The following LINGO1 variants were observed in gnomAD, a reference collection of about 807,000 sequenced individuals.
The protein encoded by LINGO1 is leucine-rich repeat and immunoglobulin-like domain-containing nogo receptor-interacting protein 1.
Under a neutral mutation model 37.3 loss-of-function variants are expected in LINGO1, and 11 were observed. The ratio of observed to expected loss-of-function variants is 0.29; its 90% CI spans 0.19 to 0.49. LINGO1 has a LOEUF of 0.49. Among genes scored for constraint, LINGO1 ranks in the 20% least tolerant of loss-of-function variants. LINGO1 has a pLI of 0.99. For missense variants in LINGO1, 585 were observed against 878.2 expected (o/e 0.67, Z 4.22); for synonymous variants, 387 against 403.0 (o/e 0.96, Z 0.48).
chr15:77,758,931 GC>G (rs1484140148), intron 1 of LINGO1, among the ~76,000 whole-genome samples: 1 of 152,096 alleles, frequency 6.6e-6, no homozygotes, highest in Non-Finnish European at 1.5e-5. Context: ...TTCAGCCTGG[GC>G]CTGTCTGAGG....
chr15:77,722,819 A>G (rs761547288), intron 2 of LINGO1, among the ~76,000 whole-genome samples: 1 of 152,150 alleles, frequency 6.6e-6, no homozygotes, highest in African/African-American at 2.4e-5. Context: ...GGAATTTGAG[A>G]ACCATCACAA....
chr15:77,800,350 A>T (rs1476968327), intron 1 of LINGO1, among the ~76,000 whole-genome samples: 1 of 152,232 alleles, frequency 6.6e-6, no homozygotes. Flanking sequence ...ATGGGAAAAC[A>T]GCAGAGACAG....
intron 1 of LINGO1, among the ~76,000 whole-genome samples, chr15:77,745,807 C>A (rs1370356358): frequency 2.6e-5 from 4 of 152,164 alleles, no homozygotes; most frequent in Admixed American, 2.0e-4. Flanking sequence ...TTGCCATATT[C>A]CGCATGCCTC....
rs367930811 is a variant in LINGO1 at position 77,765,790 on chromosome 15, G to A, written c.-257+21079C>T. ...TCTCCCACTCGCTCCAGAAGAATCA[G>A]AGTCCTTCTAGGAGATGCTGCCATT... On this transcript the variant is annotated intron_variant, in intron 1 of 3. Transcript: ENST00000561686. 2.2e-3 allele frequency among the ~76,000 whole-genome samples: 340 copies of A among 152,306 alleles called. 2 individuals carry two copies. Among genetic ancestry groups the A allele is most frequent in the African/African-American group, 8.1e-3 (335 of 41,562 alleles).
At chr15:77,805,751 G>A (rs980185975) in intron 1 of LINGO1, among the ~76,000 whole-genome samples, 11 of 152,286 alleles carry the variant, frequency 7.2e-5, no homozygotes, top group South Asian at 2.1e-4. Flanking sequence ...CCGGGCCCCT[G>A]TAGGCTCCAA....
upstream of LINGO1, among the ~76,000 whole-genome samples, chr15:77,638,047 C>CGTA (rs1484663171): frequency 6.6e-6 from 1 of 152,242 alleles, no homozygotes; most frequent in Non-Finnish European, 1.5e-5. Flanking sequence ...CTAGAAGCAA[C>CGTA]GTAGTCAGCA....
intron 1 of LINGO1, among the ~76,000 whole-genome samples, chr15:77,765,366 G>A (rs2076517472): frequency 6.6e-6 from 1 of 151,394 alleles, no homozygotes; most frequent in Non-Finnish European, 1.5e-5. Context: ...AATGAGCCGA[G>A]ACCGTGCCAC....
In LINGO1 at chr15:77,770,163, G is replaced by A. The variant is rs369220012; in HGVS notation, c.-257+16706C>T. ...TCCCAGGCTCACTCCAGAGCAGCAGGCTCCGAAACCAATGCCTTCTTTCCA... is the reference window on the plus strand; with the variant it reads ...TCCCAGGCTCACTCCAGAGCAGCAGACTCCGAAACCAATGCCTTCTTTCCA... On this transcript the variant is annotated intron_variant, in intron 1 of 3. Coordinates refer to the LINGO1 transcript ENST00000561686. Among the ~76,000 whole-genome samples the A allele has an allele frequency of 5.9e-5, 9 of 152,270 alleles. No individual in the cohort carries two copies. The South Asian group carries it at 1.9e-3, about 32-fold the overall frequency.
rs143388460 is a variant in LINGO1, at chr15:77,690,070, C to T, written c.-99+650G>A. Among the ~76,000 whole-genome samples, 7 of 152,300 alleles carry T rather than the reference C, an allele frequency of 4.6e-5. No homozygotes were observed. The East Asian group carries it at 1.4e-3, about 29-fold the overall frequency. Reference sequence around the variant, plus strand: ...CGTCCACATCCATCTATGACATCATCTAGAATGATTATTTGTTATTTGCCT... The same window carrying T: ...CGTCCACATCCATCTATGACATCATTTAGAATGATTATTTGTTATTTGCCT... On this transcript the variant is annotated intron_variant, in intron 2 of 3. Coordinates refer to the LINGO1 transcript ENST00000559893.
chr15:77,776,798 C>T (rs1326422628), intron 1 of LINGO1, among the ~76,000 whole-genome samples: 1 of 152,220 alleles, frequency 6.6e-6, no homozygotes, highest in Non-Finnish European at 1.5e-5. Flanking sequence ...AGAGCTGACA[C>T]ATTCTAAGCA....
intron 2 of LINGO1, among the ~76,000 whole-genome samples, chr15:77,717,938 G>C (rs571919917): frequency 4.6e-5 from 7 of 151,148 alleles, no homozygotes; most frequent in Middle Eastern, 3.4e-3. Flanking sequence ...GTGGAGTCAT[G>C]AAGCAGGTGA....
Position 77,694,162 on chromosome 15 carries a change from C to T in LINGO1, c.-281+2229G>A, listed in dbSNP as rs936103425. 3.3e-5 allele frequency among the ~76,000 whole-genome samples: 5 copies of T among 152,236 alleles called. No individual in the cohort carries two copies. In the South Asian group the frequency reaches 6.2e-4, roughly 19 times the overall value. On this transcript the variant is annotated intron_variant, in intron 1 of 3. Coordinates refer to the LINGO1 transcript ENST00000559893. ...ATACATGAATCAGGGCTAGATTGCA[C>T]GGACTGAAGCGGGTGTTACAGAGAG...
intron 2 of LINGO1, among the ~76,000 whole-genome samples, chr15:77,794,585 TATATA>T (rs1361026269): frequency 1.1e-4 from 3 of 26,280 alleles, no homozygotes; most frequent in African/African-American, 2.4e-4. Flanking sequence ...TATATATATA[TATATA>T]TTTTTTTTTT....
chr15:77,619,313 C>A (rs535585834), intron 1 of LINGO1, among the ~76,000 whole-genome samples: 43 of 152,178 alleles, frequency 2.8e-4, no homozygotes, highest in African/African-American at 8.2e-4. Context: ...GGGGTGGAAG[C>A]CCTGCAGATG....
At chr15:77,817,671 T>C (rs2077059224) in intron 1 of LINGO1, among the ~76,000 whole-genome samples, 2 of 152,102 alleles carry the variant, frequency 1.3e-5, no homozygotes, top group Admixed American at 1.3e-4. Flanking sequence ...CCAGTAAACG[T>C]GCCACACGCA....
intron 1 of LINGO1, among the ~76,000 whole-genome samples, chr15:77,749,951 T>G (rs1232350835): frequency 6.7e-6 from 1 of 148,302 alleles, no homozygotes; most frequent in African/African-American, 2.5e-5. Flanking sequence ...GCTCTCAGGG[T>G]GGGGGTGGGG....
At chr15:77,814,327 G>A (rs774068473) in intron 1 of LINGO1, among the ~76,000 whole-genome samples, 3 of 152,144 alleles carry the variant, frequency 2.0e-5, no homozygotes, top group Non-Finnish European at 4.4e-5. Context: ...ACTTCCCACC[G>A]TGCCCTCAGT....
intron 2 of LINGO1, among the ~76,000 whole-genome samples, chr15:77,683,632 T>C (rs1202430607): frequency 1.3e-5 from 2 of 152,146 alleles, no homozygotes; most frequent in Non-Finnish European, 2.9e-5. Flanking sequence ...CATAATATGA[T>C]TCCGTTTCCT....
chr15:77,819,892 C>G (rs550285306), intron 1 of LINGO1: 7 of 151,322 alleles, frequency 4.6e-5, no homozygotes, highest in African/African-American at 7.3e-5. Flanking sequence ...TTCTCCCCCC[C>G]TTCCAGTCCG....
Sources: allele counts gnomAD v4.1 joint callset (sites outside exome capture counted in the v4.1 genomes callset), GRCh38; gene constraint gnomAD v4.1.1; transcripts MANE v1.5; gene names NCBI Gene and HGNC (gene_info 2026-07-23, HGNC 2026-07-21).